MICAL1: variants seen among roughly 807,000 people sequenced by gnomAD.
MICAL1 encodes the protein [F-actin]-monooxygenase MICAL1.
In MICAL1, 95 loss-of-function variants were observed where a neutral mutation model predicts 131.8. The ratio of observed to expected loss-of-function variants is 0.72; its 90% CI spans 0.61 to 0.86. The LOEUF (loss-of-function observed/expected upper bound fraction) is 0.86, where lower values mean the gene tolerates loss of function less well. MICAL1 is among the 40% of genes least tolerant of loss of function. The pLI is 0.00. For synonymous variants in MICAL1, 546 were observed against 554.2 expected (o/e 0.99, Z 0.21); for missense variants, 1,292 against 1,380.6 (o/e 0.94, Z 1.02).
intron 22 of MICAL1, 84 bp downstream of exon 22, chr6:109,445,113 A>G: frequency 6.3e-7 from 1 of 1,574,912 alleles, no homozygotes; most frequent in Non-Finnish European, 8.7e-7. Context: ...GCTGTGTGGC[A>G]TAGCCACTGG....
chr6:109,446,152 T>C lies in MICAL1; in HGVS notation c.2565A>G (p.Pro855=), dbSNP rs1415887968. Residue 855 remains proline (P), a synonymous_variant, in exon 19 of 25, where the codon CCA becomes CCG. Transcript: ENST00000358807. ...LESSFVGWGL[P]VQSPQALVAM... ...ATGGGTTACCTTGAGGGCTCTGGAC[T>C]GGCAGGCCCCAGCCCACAAAGCTGC... 2 of 1,549,026 alleles carry C rather than the reference T, an allele frequency of 1.3e-6. No homozygotes were observed. Among genetic ancestry groups the C allele is most frequent in the African/African-American group, 2.8e-5 (2 of 72,090 alleles).
In MICAL1 at chr6:109,447,212, C is replaced by G; in HGVS notation, c.2088G>C (p.Leu696=). Residue 696 remains leucine, a synonymous_variant, in exon 17 of 25, where the codon CTG becomes CTC. Coordinates refer to ENST00000358807, the MANE Select transcript of MICAL1 (RefSeq NM_022765.4). ...AGAGGTGTTCCCCACAAAGTGCACA[C>G]AGGTCCCCAGCACCGGCCTGCGTGG... ...SQHQEAGAGD[L]CALCGEHLYV... The G allele has an allele frequency of 6.2e-7, 1 of 1,614,088 alleles. No individual in the cohort carries two copies. The highest frequency in any genetic ancestry group is 8.5e-7 in the Non-Finnish European group (1 of 1,179,938).
At chr6:109,451,809 C>T (rs992314808) in intron 6 of MICAL1, 109 bp from the exon 7 acceptor site, 32 of 1,514,422 alleles carry the variant, frequency 2.1e-5, no homozygotes, top group African/African-American at 8.2e-5. Context: ...GCTTAGGCTG[C>T]GGTGAGTGCT....
At chr6:109,457,563 TAAGAGATCCC>T (rs61141882), upstream of MICAL1, among the ~76,000 whole-genome samples, 11,986 of 151,896 alleles carry the variant, frequency 0.079, 1,267 homozygotes, top group African/African-American at 0.24. Context: ...CCAGAGACCA[TAAGAGATCCC>T]GAGACAGTCC....
rs1775708006 is a variant in MICAL1, at chr6:109,455,438, A to G, written c.-44+281T>C. On this transcript the variant is annotated intron_variant, in intron 1 of 24. Transcript: ENST00000358807. The surrounding 1 kb of genome is among the most constrained non-coding windows in gnomAD (Gnocchi z 4.7). ...GGAAGACCTCGGCGAAAGGGGAGAA[A>G]GGAGCGACCCAGCCTGGAAACGCCA... 6.6e-6 allele frequency among the ~76,000 whole-genome samples: 1 copy of G among 152,118 alleles called. No homozygotes were observed. The highest frequency in any genetic ancestry group is 2.1e-4 in the South Asian group (1 of 4,828).
At chr6:109,461,091 C>G (rs1206390162) in intron 1 of MICAL1, among the ~76,000 whole-genome samples, 2 of 151,828 alleles carry the variant, frequency 1.3e-5, no homozygotes, top group Non-Finnish European at 2.9e-5. Context: ...TTCTCATAAT[C>G]CTATCCCTCC....
rs555965679 is a variant in MICAL1, at chr6:109,448,714, G to T, written c.1664+18C>A. Reference sequence around the variant, plus strand: ...ACACTGAGATCATGAGAGAGAGGTGGGTCTGCCAGGGACTCACAGCAGGCC... The same window carrying T: ...ACACTGAGATCATGAGAGAGAGGTGTGTCTGCCAGGGACTCACAGCAGGCC... On this transcript the variant is annotated intron_variant, in intron 12 of 24. Coordinates refer to ENST00000358807, the MANE Select transcript of MICAL1 (RefSeq NM_022765.4). 1.1e-5 allele frequency: 18 copies of T among 1,613,260 alleles called. No individual in the cohort carries two copies. In the African/African-American group the frequency reaches 2.3e-4, roughly 20 times the overall value.
chr6:109,453,839 C>A lies in MICAL1; in HGVS notation c.265G>T (p.Val89Leu), dbSNP rs547676556. ...AGCCCGCAAGGTCCAGCACCCACCACCAGGCACTGTGAACACACAGGGCAG... is the reference window on the plus strand; with the variant it reads ...AGCCCGCAAGGTCCAGCACCCACCAACAGGCACTGTGAACACACAGGGCAG... Reference protein sequence around the residue: ...GRACTSTKCLVVGAGPCGLRV... With the variant: ...GRACTSTKCLLVGAGPCGLRV... The change falls in exon 3 of 25, where the codon GTG (valine) becomes TTG (leucine). Residue 89 changes from valine (V) to leucine (L), a missense_variant. By Grantham distance (32) the Val-to-Leu change is conservative. Transcript: ENST00000358807. The A allele has an allele frequency of 1.9e-6, 3 of 1,613,344 alleles. No homozygotes were observed. The highest frequency in any genetic ancestry group is 2.7e-5 in the African/African-American group (2 of 75,068).
chr6:109,445,132 C>T (rs1044186712), intron 22 of MICAL1, 65 bp downstream of exon 22: 70 of 1,593,284 alleles, frequency 4.4e-5, no homozygotes, highest in African/African-American at 1.2e-4. Flanking sequence ...GGGACTCCTA[C>T]GGGCTGGAGC....
In MICAL1 at chr6:109,444,997, TGAG is replaced by T. The variant is rs1303747695; in HGVS notation, c.2882-5_2882-3del. On this transcript the variant is annotated splice_region_variant and splice_polypyrimidine_tract_variant and intron_variant, in intron 22 of 24. Transcript: ENST00000358807. ...GTTTCTTTTGCTGTTCTGGGGAACC[TGAG>T]AAGAAGGAAGATGGGTAGGGTGATC... is the stretch of plus-strand genomic sequence containing the variant. 6.2e-7 allele frequency: 1 copy of T among 1,613,504 alleles called. No individual in the cohort carries two copies. The highest frequency in any genetic ancestry group is 8.5e-7 in the Non-Finnish European group (1 of 1,179,978).
At position 109,446,788 on chromosome 6, in the gene MICAL1, A is replaced by T. The variant is rs966691519; in HGVS notation, c.2228-16T>A. On this transcript the variant is annotated splice_polypyrimidine_tract_variant and intron_variant, in intron 17 of 24. Coordinates refer to ENST00000358807, the MANE Select transcript of MICAL1 (RefSeq NM_022765.4). ...TAGAAATGTCCTGGAAAGGGTAGAG[A>T]GGGGAGGAGGCATTTGGTGTGGGCA... 3 of 1,610,536 alleles carry T rather than the reference A, an allele frequency of 1.9e-6. No homozygotes were observed. The highest frequency in any genetic ancestry group is 2.5e-6 in the Non-Finnish European group (3 of 1,178,102).
intron 13 of MICAL1, 56 bp downstream of exon 13, chr6:109,448,147 A>G: frequency 6.5e-7 from 1 of 1,545,172 alleles, no homozygotes; most frequent in African/African-American, 1.4e-5. Context: ...ACACACACAC[A>G]CACACACACA....
At chr6:109,465,548 T>TA in intron 1 of MICAL1, 1 of 1,144,018 alleles carries the variant, frequency 8.7e-7, no homozygotes, top group Admixed American at 2.3e-5. Context: ...ATTTAAACCT[T>TA]ACAGAAAAAC....
At position 109,454,107 on chromosome 6, in the gene MICAL1, G is replaced by A; in HGVS notation, c.90C>T (p.Phe30=). 1 of 1,613,824 alleles carries A rather than the reference G, an allele frequency of 6.2e-7. No homozygotes were observed. Among genetic ancestry groups the A allele is most frequent in the Non-Finnish European group, 8.5e-7 (1 of 1,179,954 alleles). ...AQLCQDVLSS[F]QELCGALGLE... ...GCCCCAGGGCCCCACACAGCTCCTGGAAGCTGCTCAGCACGTCCTGGCACA... is the reference window on the plus strand; with the variant it reads ...GCCCCAGGGCCCCACACAGCTCCTGAAAGCTGCTCAGCACGTCCTGGCACA... The change falls in exon 2 of 25, where the codon TTC becomes TTT. Residue 30 remains phenylalanine, a synonymous_variant. Coordinates refer to ENST00000358807, the MANE Select transcript of MICAL1 (RefSeq NM_022765.4).
At chr6:109,446,591 T>C in intron 18 of MICAL1, 105 bp downstream of exon 18, 1 of 1,381,812 alleles carries the variant, frequency 7.2e-7, no homozygotes, top group Non-Finnish European at 1.0e-6. Flanking sequence ...AGAGCTTACA[T>C]GCTAGTAGAA....
chr6:109,445,897 A>G (rs1451756519), intron 19 of MICAL1, 35 bp from the exon 20 acceptor site: 4 of 1,577,634 alleles, frequency 2.5e-6, no homozygotes, highest in Non-Finnish European at 3.4e-6. Context: ...TACTGCCTCC[A>G]GCGCCTGCCC....
Position 109,450,539 on chromosome 6 carries a change from G to A in MICAL1, c.952C>T (p.Arg318Trp), listed in dbSNP as rs774702048. Residue 318 changes from arginine (R) to tryptophan (W), a missense_variant, in exon 8 of 25, where the codon CGG becomes TGG. Physicochemically the swap from Arg to Trp is moderately radical, Grantham distance 101 (BLOSUM62 -3). Coordinates refer to ENST00000358807, the MANE Select transcript of MICAL1 (RefSeq NM_022765.4). ...ACCACATTGGCACTGCCCAGCAGCC[G>A]ATTGGTGTCTGGCCAGTCCTGTATG... ...VLRQDWPDTNRLLGSANVVPE... is the reference protein window; with the variant it reads ...VLRQDWPDTNWLLGSANVVPE... 8.7e-6 allele frequency: 14 copies of A among 1,610,174 alleles called. No homozygotes were observed. The highest frequency in any genetic ancestry group is 1.7e-4 in the Middle Eastern group (1 of 6,048).
upstream of MICAL1, among the ~76,000 whole-genome samples, chr6:109,458,681 C>T (rs910408246): frequency 5.9e-5 from 9 of 152,194 alleles, no homozygotes; most frequent in Admixed American, 1.3e-4. Context: ...TGAGCCATTA[C>T]GACAGGATCC....
intron 12 of MICAL1, 47 bp from the exon 13 acceptor site, chr6:109,448,440 C>T (rs899161818): frequency 1.4e-5 from 22 of 1,598,878 alleles, no homozygotes; most frequent in Non-Finnish European, 1.8e-5. Flanking sequence ...AGAACCTAGC[C>T]CCACTGAGGG....
Sources: allele counts gnomAD v4.1 joint callset (sites outside exome capture counted in the v4.1 genomes callset), GRCh38; gene constraint gnomAD v4.1.1; non-coding constraint Gnocchi (gnomAD v3.1); transcripts MANE v1.5; gene names NCBI Gene and HGNC (gene_info 2026-07-23, HGNC 2026-07-21).